The following UNC80 variants were observed in gnomAD, a reference collection of about 807,000 sequenced individuals.
UNC80 encodes the protein protein unc-80 homolog.
In UNC80, 164 loss-of-function variants were observed where a neutral mutation model predicts 384.6. The observed-to-expected ratio is 0.43, with a 90% CI of 0.38 to 0.49. UNC80 has a LOEUF of 0.49. UNC80 is among the 20% of genes least tolerant of loss of function. UNC80 has a pLI of 0.00. For missense variants in UNC80, 3,330 were observed against 4,143.0 expected, an observed-to-expected ratio of 0.80 and a Z score of 5.39; for synonymous variants, 1,486 against 1,527.8, an observed-to-expected ratio of 0.97 and a Z score of 0.64.
intron 19 of UNC80, 41 bp from the exon 20 acceptor site, chr2:209,840,501 G>A: frequency 6.7e-7 from 1 of 1,498,600 alleles, no homozygotes; most frequent in Admixed American, 2.0e-5. Flanking sequence ...TGATTGGATA[G>A]AAAATGCTAC....
intron 25 of UNC80, among the ~76,000 whole-genome samples, 157 bp from the exon 26 acceptor site, chr2:209,887,938 A>T (rs2085977233): frequency 6.6e-6 from 1 of 152,222 alleles, no homozygotes; most frequent in African/African-American, 2.4e-5. Flanking sequence ...AGTCAAGAAT[A>T]GATTTGCATG....
At chr2:209,962,478 G>GC (rs1359457124) in intron 51 of UNC80, among the ~76,000 whole-genome samples, 1 of 152,186 alleles carries the variant, frequency 6.6e-6, no homozygotes, top group East Asian at 1.9e-4. Context: ...CCCCATAGTA[G>GC]ATAAAGTGCT....
At position 209,904,810 on chromosome 2, in the gene UNC80, G is replaced by A. The variant is rs994979037; in HGVS notation, c.4627G>A (p.Val1543Ile). The A allele has an allele frequency of 1.5e-5, 24 of 1,551,840 alleles. No homozygotes were observed. Among genetic ancestry groups the A allele is most frequent in the Middle Eastern group, 3.3e-4 (2 of 6,016 alleles). ...CNQQSFICTH[V>I]DYCHPHCYLH... ...TCAGCAGAGTTTCATCTGCACTCAC[G>A]TTGACTACTGCCATCCCCACTGCTA... The change falls in exon 29 of 65, where the codon GTT becomes ATT. Residue 1543 changes from valine (V) to isoleucine (I), a missense_variant. Coordinates refer to ENST00000673920, the MANE Select transcript of UNC80 (RefSeq NM_001371986.1).
intron 22 of UNC80, among the ~76,000 whole-genome samples, chr2:209,857,353 A>G (rs931202475): frequency 6.6e-6 from 1 of 152,132 alleles, no homozygotes; most frequent in African/African-American, 2.4e-5. Context: ...AGTTTAAGTA[A>G]TTTTAATTTT....
intron 2 of UNC80, among the ~76,000 whole-genome samples, chr2:209,775,233 T>C (rs2076798639): frequency 6.6e-6 from 1 of 152,182 alleles, no homozygotes; most frequent in Non-Finnish European, 1.5e-5. Flanking sequence ...CTGGCAAGGA[T>C]AGAAAATTTA....
chr2:209,955,264 G>T (rs1055445184), intron 48 of UNC80, among the ~76,000 whole-genome samples: 27 of 152,090 alleles, frequency 1.8e-4, no homozygotes, highest in Admixed American at 9.8e-4. Context: ...GTGCTGGTAA[G>T]GGGGAAGCCC....
At position 209,820,344 on chromosome 2, in the gene UNC80, C is replaced by T. The variant is rs1371402948; in HGVS notation, c.1996C>T (p.His666Tyr). ...VLKAVYLVLN[H>Y]DISSRICDVA... is the part of the protein sequence containing the mutation. ...GAAGGCTGTTTATCTTGTCCTTAAT[C>T]ATGACATCAGCTCTCGTATCTGTGA... Residue 666 changes from histidine (H) to tyrosine (Y), a missense_variant, in exon 13 of 65, where the codon CAT becomes TAT. His to Tyr is a moderately conservative substitution (Grantham distance 83). Coordinates refer to ENST00000673920, the MANE Select transcript of UNC80 (RefSeq NM_001371986.1). The T allele has an allele frequency of 1.3e-5, 20 of 1,549,384 alleles. No homozygotes were observed. Among genetic ancestry groups the T allele is most frequent in the Non-Finnish European group, 1.7e-5 (20 of 1,146,196 alleles).
chr2:209,893,771 G>A (rs1031423426), intron 26 of UNC80, among the ~76,000 whole-genome samples: 2 of 152,158 alleles, frequency 1.3e-5, no homozygotes, highest in South Asian at 2.1e-4. Context: ...AGGGGTTTAC[G>A]TGACAGCTTA....
intron 6 of UNC80, among the ~76,000 whole-genome samples, chr2:209,793,090 T>C (rs934221906): frequency 6.6e-6 from 1 of 152,214 alleles, no homozygotes; most frequent in African/African-American, 2.4e-5. Context: ...CTTTATACTT[T>C]AGTAAAGAAT....
At chr2:209,867,285 G>A (rs970639723) in intron 22 of UNC80, among the ~76,000 whole-genome samples, 4 of 152,154 alleles carry the variant, frequency 2.6e-5, no homozygotes, top group Non-Finnish European at 4.4e-5. Flanking sequence ...CCTAAGTGAC[G>A]CCTAGGCTCA....
intron 28 of UNC80, among the ~76,000 whole-genome samples, chr2:209,902,536 A>G (rs1393509659): frequency 2.6e-5 from 4 of 152,130 alleles, no homozygotes; most frequent in Non-Finnish European, 4.4e-5. Context: ...AATGGGCCAA[A>G]CTTCTTCATT....
intron 19 of UNC80, among the ~76,000 whole-genome samples, 197 bp from the exon 20 acceptor site, chr2:209,840,345 G>A (rs1051848377): frequency 2.6e-5 from 4 of 152,100 alleles, no homozygotes; most frequent in Admixed American, 1.3e-4. Flanking sequence ...TTTTCGTCTT[G>A]GTCCCACATG....
rs148615654 is a variant in UNC80 at position 209,939,288 on chromosome 2, G to C, written c.6466-184G>C. Among the ~76,000 whole-genome samples, 195 of 152,282 alleles carry C rather than the reference G, an allele frequency of 1.3e-3. 1 individual carries two copies. The highest frequency in any genetic ancestry group is 4.6e-3 in the African/African-American group (190 of 41,550). On this transcript the variant is annotated intron_variant, in intron 42 of 64. Transcript: ENST00000673920. ...AGGCAGAAGGAAGTAAGAGGCAATT[G>C]AGAATTGTTTGCTCTTGCTTGTGGT...
chr2:209,772,142 A>G lies in UNC80; in HGVS notation c.70A>G (p.Thr24Ala), dbSNP rs1402776898. The stretch of plus-strand genomic sequence containing the variant: ...CCGCGGCATCCCCCTGCCCATCCAG[A>G]CCTTCCTGTGGCGGCAAACCAGGTG... ...GGRGIPLPIQ[T>A]FLWRQTSAFL... Residue 24 changes from threonine to alanine, a missense_variant, in exon 1 of 65, where the codon ACC (threonine) becomes GCC (alanine). Transcript: ENST00000673920. The G allele has an allele frequency of 4.5e-6, 7 of 1,546,506 alleles. No individual in the cohort carries two copies. The highest frequency in any genetic ancestry group is 6.1e-6 in the Non-Finnish European group (7 of 1,145,248).
chr2:209,809,833 G>A (rs1389002364), intron 7 of UNC80, among the ~76,000 whole-genome samples: 5 of 152,194 alleles, frequency 3.3e-5, no homozygotes, highest in African/African-American at 4.8e-5. Flanking sequence ...GATGGCTGGC[G>A]GGAGGGCAGC....
rs1374840951 is a variant in UNC80 at position 209,888,083 on chromosome 2, C to T, written c.4111-12C>T. ...GATGCCAGCACTCATGTGCTCCTCACTGGCATTTTAGGACTTGGAGAGCTG... is the reference window on the plus strand; with the variant it reads ...GATGCCAGCACTCATGTGCTCCTCATTGGCATTTTAGGACTTGGAGAGCTG... On this transcript the variant is annotated splice_polypyrimidine_tract_variant and intron_variant, in intron 25 of 64. Transcript: ENST00000673920. 31 of 1,551,488 alleles carry T rather than the reference C, an allele frequency of 2.0e-5. No individual in the cohort carries two copies. The highest frequency in any genetic ancestry group is 2.7e-5 in the Non-Finnish European group (31 of 1,146,956).
chr2:209,903,696 A>G (rs1409957396), intron 28 of UNC80, among the ~76,000 whole-genome samples: 1 of 139,214 alleles, frequency 7.2e-6, no homozygotes, highest in Non-Finnish European at 1.5e-5. Flanking sequence ...GGGGGAATGT[A>G]TTAATTTTCT....
intron 6 of UNC80, among the ~76,000 whole-genome samples, chr2:209,793,256 T>A (rs917286922): frequency 6.6e-6 from 1 of 152,216 alleles, no homozygotes; most frequent in African/African-American, 2.4e-5. Flanking sequence ...TAGAAAAGTG[T>A]ATTGCATCTC....
chr2:209,897,353 C>T (rs536407150), intron 28 of UNC80, among the ~76,000 whole-genome samples: 49 of 152,294 alleles, frequency 3.2e-4, no homozygotes, highest in Admixed American at 8.5e-4. Context: ...TCTTCCCTGA[C>T]GGTAACCACT....
Sources: gnomAD v4.1 joint callset for allele counts (sites outside exome capture counted in the v4.1 genomes callset) on GRCh38, gnomAD v4.1.1 for gene constraint, MANE v1.5 for transcripts, NCBI Gene and HGNC (gene_info 2026-07-23, HGNC 2026-07-21) for gene names.